TMEM54: variants seen among roughly 807,000 people sequenced by gnomAD.
The protein encoded by TMEM54 is beta-casein-like protein.
TMEM54 carries 21 observed loss-of-function variants against 21.3 expected under a neutral mutation model. The observed-to-expected ratio is 0.99, with a 90% CI of 0.70 to 1.42. TMEM54 has a LOEUF of 1.42. Ranked by LOEUF, TMEM54 falls within the 40% of genes most tolerant of loss-of-function variation. The pLI is 0.00. For missense variants in TMEM54, 246 were observed against 294.0 expected (o/e 0.84, Z 1.19); for synonymous variants, 109 against 125.0 (o/e 0.87, Z 0.86).
intron 1 of TMEM54, among the ~76,000 whole-genome samples, chr1:32,898,845 G>T (rs1641660914): frequency 6.6e-6 from 1 of 152,208 alleles, no homozygotes; most frequent in African/African-American, 2.4e-5. Context: ...CACTGCTGCT[G>T]AACTGAACTG....
intron 2 of TMEM54, 87 bp downstream of exon 2, chr1:32,898,039 C>A: frequency 2.2e-6 from 3 of 1,338,768 alleles, no homozygotes; most frequent in Non-Finnish European, 3.1e-6. Context: ...CTGCTTACCA[C>A]CACAGGCTCT....
chr1:32,899,996 G>A (rs965986667), intron 1 of TMEM54, among the ~76,000 whole-genome samples: 2 of 152,164 alleles, frequency 1.3e-5, no homozygotes, highest in Non-Finnish European at 2.9e-5. Context: ...CATGAGACTG[G>A]AATAGCATTG....
chr1:32,895,361 G>A lies in TMEM54; in HGVS notation c.538C>T (p.Leu180Phe). Reference protein sequence around the residue: ...ENVFAVRCAQLTHQLLELRPW... With the variant: ...ENVFAVRCAQFTHQLLELRPW... The stretch of plus-strand genomic sequence containing the variant: ...CTCAGCTCCAGCAGCTGGTGGGTGA[G>A]CTGAGCACAGCGTACAGCAAACACG... The change falls in exon 5 of 6, where the codon CTC (leucine) becomes TTC (phenylalanine). Residue 180 changes from leucine to phenylalanine, a missense_variant. Leu to Phe is a conservative substitution (Grantham distance 22). Coordinates refer to ENST00000373463, the MANE Select transcript of TMEM54 (RefSeq NM_033504.4). The surrounding 1 kb of genome is among the most constrained non-coding windows in gnomAD (Gnocchi z 5.8). The A allele has an allele frequency of 6.2e-7, 1 of 1,614,020 alleles. No individual in the cohort carries two copies. The highest frequency in any genetic ancestry group is 8.5e-7 in the Non-Finnish European group (1 of 1,179,918).
At chr1:32,899,391 GAAAAAAAA>G (rs11284140) in intron 1 of TMEM54, among the ~76,000 whole-genome samples, 4 of 123,000 alleles carry the variant, frequency 3.3e-5, no homozygotes, top group South Asian at 5.3e-4. Flanking sequence ...CTCTGCAGCT[GAAAAAAAA>G]AAAAAAAAAG....
rs1641725544 is a variant in TMEM54, at chr1:32,901,345, C to T, written c.-107G>A. The T allele has an allele frequency of 7.3e-6, 8 of 1,089,654 alleles. No individual in the cohort carries two copies. The highest frequency in any genetic ancestry group is 9.2e-6 in the Non-Finnish European group (8 of 870,012). The allele number at this position is 1,089,654 out of a possible 1,614,324, so 67.5% of individuals were successfully genotyped here. ...GCTGGCCCGTCGCCCGCGCGCCCCG[C>T]ACCGTCGCGCTCGCCCACTTCCCGC... On this transcript the variant is annotated 5_prime_UTR_variant, in exon 1 of 6. Transcript: ENST00000373463. This position sits in a 1 kb window ranked among gnomAD's most constrained non-coding sequence, Gnocchi z 4.2.
In TMEM54 at chr1:32,895,188, CT is replaced by C; in HGVS notation, c.594+116del. 7.1e-7 allele frequency: 1 copy of C among 1,403,004 alleles called. No individual in the cohort carries two copies. Among genetic ancestry groups the C allele is most frequent in the Non-Finnish European group, 9.5e-7 (1 of 1,051,408 alleles). 86.9% of individuals were successfully genotyped at this position (1,403,004 alleles called of 1,614,324 possible). On this transcript the variant is annotated intron_variant, in intron 5 of 5. Transcript: ENST00000373463. The surrounding 1 kb of genome is among the most constrained non-coding windows in gnomAD (Gnocchi z 5.8). ...TCTCCCTTTGCTCCTGGGGAGAAAA[CT>C]TCTGCCCCATTTCTCAAGGTGGGGG...
Position 32,895,490 on chromosome 1 carries a change from G to T in TMEM54, c.460-51C>A, listed in dbSNP as rs368627916. ...TGGCTGGAGTTGGGGGTGGAGGGTG[G>T]ATTCCAAGAGCCCTTCCCACCCGTG... On this transcript the variant is annotated intron_variant, in intron 4 of 5. Transcript: ENST00000373463. This position sits in a 1 kb window ranked among gnomAD's most constrained non-coding sequence, Gnocchi z 5.8. The T allele has an allele frequency of 9.4e-6, 15 of 1,595,222 alleles. No individual in the cohort carries two copies. The African/African-American group carries it at 2.0e-4, about 21-fold the overall frequency.
In TMEM54 at chr1:32,895,379, C is replaced by G; in HGVS notation, c.520G>C (p.Ala174Pro). 2.5e-6 allele frequency: 4 copies of G among 1,614,096 alleles called. No individual in the cohort carries two copies. Among genetic ancestry groups the G allele is most frequent in the Non-Finnish European group, 3.4e-6 (4 of 1,179,980 alleles). ...TGGGTGAGCTGAGCACAGCGTACAG[C>G]AAACACGTTCTCCGCCACGCAGAGC... ...LVLCVAENVF[A>P]VRCAQLTHQL... The change falls in exon 5 of 6, where the codon GCT becomes CCT. Residue 174 changes from alanine to proline, a missense_variant. Coordinates refer to ENST00000373463, the MANE Select transcript of TMEM54 (RefSeq NM_033504.4). This position sits in a 1 kb window ranked among gnomAD's most constrained non-coding sequence, Gnocchi z 5.8.
In TMEM54 at chr1:32,895,999, T is replaced by C; in HGVS notation, c.211-30A>G. ...AGGGAAGGCTCAAGTCAGCCCTGACTCCTTGGCTGGAGGAACAGGGGCAGG... is the reference window on the plus strand; with the variant it reads ...AGGGAAGGCTCAAGTCAGCCCTGACCCCTTGGCTGGAGGAACAGGGGCAGG... On this transcript the variant is annotated intron_variant, in intron 2 of 5. Coordinates refer to ENST00000373463, the MANE Select transcript of TMEM54 (RefSeq NM_033504.4). The surrounding 1 kb of genome is among the most constrained non-coding windows in gnomAD (Gnocchi z 5.8). 1 of 1,604,302 alleles carries C rather than the reference T, an allele frequency of 6.2e-7. No homozygotes were observed. Among genetic ancestry groups the C allele is most frequent in the East Asian group, 2.2e-5 (1 of 44,760 alleles).
At position 32,901,025 on chromosome 1, in the gene TMEM54, G is replaced by A. The variant is rs1305031546; in HGVS notation, c.16+198C>T. Reference sequence around the variant, plus strand: ...CTACAGCCACATCGAGAAGACACCCGCAGCGCTCCTCCCCTCCATTTCACT... The same window carrying A: ...CTACAGCCACATCGAGAAGACACCCACAGCGCTCCTCCCCTCCATTTCACT... On this transcript the variant is annotated intron_variant, in intron 1 of 5. Coordinates refer to ENST00000373463, the MANE Select transcript of TMEM54 (RefSeq NM_033504.4). This position sits in a 1 kb window ranked among gnomAD's most constrained non-coding sequence, Gnocchi z 4.2. 6.6e-6 allele frequency among the ~76,000 whole-genome samples: 1 copy of A among 152,204 alleles called. No individual in the cohort carries two copies. The highest frequency in any genetic ancestry group is 1.5e-5 in the Non-Finnish European group (1 of 68,032).
chr1:32,898,401 G>T (rs1017991808), intron 1 of TMEM54, 82 bp from the exon 2 acceptor site: 5 of 1,327,950 alleles, frequency 3.8e-6, no homozygotes, highest in Non-Finnish European at 5.2e-6. Flanking sequence ...TGGCCCTAGT[G>T]ATGGACATTG....
chr1:32,898,266 G>A lies in TMEM54; in HGVS notation c.70C>T (p.Leu24=), dbSNP rs764723976. 7.4e-6 allele frequency: 12 copies of A among 1,612,586 alleles called. No individual in the cohort carries two copies. The highest frequency in any genetic ancestry group is 1.6e-4 in the Middle Eastern group (1 of 6,082). The stretch of plus-strand genomic sequence containing the variant: ...AAGCTCACATGGCCCAGCACCACCA[G>A]CACCAGGCCTGTCTTCATCAGCACC... The part of the protein sequence containing the change: ...RKVLMKTGLV[L]VVLGHVSFIT... Residue 24 remains leucine, a synonymous_variant, in exon 2 of 6, where the codon CTG becomes TTG. Coordinates refer to ENST00000373463, the MANE Select transcript of TMEM54 (RefSeq NM_033504.4).
intron 1 of TMEM54, among the ~76,000 whole-genome samples, chr1:32,899,317 C>A (rs1641671694): frequency 6.6e-6 from 1 of 151,652 alleles, no homozygotes; most frequent in South Asian, 2.1e-4. Flanking sequence ...ACTCTGAGTC[C>A]CTTCCTAGAC....
rs147784453 is a variant in TMEM54 at position 32,898,291 on chromosome 1, C to T, written c.45G>A (p.Lys15=). The T allele has an allele frequency of 2.2e-5, 35 of 1,607,196 alleles. No individual in the cohort carries two copies. The African/African-American group carries it at 3.9e-4, about 18-fold the overall frequency. ...GCACCAGGCCTGTCTTCATCAGCAC[C>T]TTCCGGAAGTCGCCCACACTCAGGC... is the stretch of plus-strand genomic sequence containing the variant. ...LGGLSVGDFR[K]VLMKTGLVLV... is the part of the protein sequence containing the mutation. The change falls in exon 2 of 6, where the codon AAG becomes AAA. Residue 15 remains lysine (K), a synonymous_variant. Coordinates refer to ENST00000373463, the MANE Select transcript of TMEM54 (RefSeq NM_033504.4).
In TMEM54 at chr1:32,895,947, G is replaced by GCTGCGATGC; in HGVS notation, c.224_232dup (p.Gly75_Ala77dup). 6.2e-7 allele frequency: 1 copy of GCTGCGATGC among 1,613,466 alleles called. No homozygotes were observed. The highest frequency in any genetic ancestry group is 8.5e-7 in the Non-Finnish European group (1 of 1,179,742). On this transcript the variant is annotated inframe_insertion, in exon 3 of 6. Transcript: ENST00000373463. The surrounding 1 kb of genome is among the most constrained non-coding windows in gnomAD (Gnocchi z 5.8). ...AGGGAGGTAGCGTGACAACACGATG[G>GCTGCGATGC]CTGCGATGCCTGAAGTGATGACCTG...
chr1:32,895,244 T>TG lies in TMEM54; in HGVS notation c.594+60dup. On this transcript the variant is annotated intron_variant, in intron 5 of 5. Transcript: ENST00000373463. This position sits in a 1 kb window ranked among gnomAD's most constrained non-coding sequence, Gnocchi z 5.8. ...TACATAGGGGTGGGGCAGAGCAGCT[T>TG]GGGCACCCTGGCAGGGGCTCCCAGG... 6.4e-7 allele frequency: 1 copy of TG among 1,561,664 alleles called. No homozygotes were observed. Among genetic ancestry groups the TG allele is most frequent in the Non-Finnish European group, 8.7e-7 (1 of 1,149,068 alleles).
intron 1 of TMEM54, among the ~76,000 whole-genome samples, chr1:32,900,450 G>A (rs1470970958): frequency 6.6e-6 from 1 of 152,108 alleles, no homozygotes; most frequent in East Asian, 1.9e-4. Context: ...GTCTCTCCTG[G>A]ACTCAAGCGA....
chr1:32,898,975 G>A (rs1570039895), intron 1 of TMEM54, among the ~76,000 whole-genome samples: 1 of 152,310 alleles, frequency 6.6e-6, no homozygotes, highest in Non-Finnish European at 1.5e-5. Context: ...ATGGGAAAGT[G>A]TGGTGTACCC....
At position 32,895,774 on chromosome 1, in the gene TMEM54, G is replaced by A. The variant is rs754071855; in HGVS notation, c.271-31C>T. Reference sequence around the variant, plus strand: ...CGGGGGAGGCCACTGGTCAATGGGCGTCGTGCTTGGCCCCCATGGGCAGCT... The same window carrying A: ...CGGGGGAGGCCACTGGTCAATGGGCATCGTGCTTGGCCCCCATGGGCAGCT... On this transcript the variant is annotated intron_variant, in intron 3 of 5. Coordinates refer to ENST00000373463, the MANE Select transcript of TMEM54 (RefSeq NM_033504.4). The surrounding 1 kb of genome is among the most constrained non-coding windows in gnomAD (Gnocchi z 5.8). 32 of 1,548,214 alleles carry A rather than the reference G, an allele frequency of 2.1e-5. No homozygotes were observed. In the African/African-American group the frequency reaches 2.5e-4, roughly 12 times the overall value.
Sources: allele counts gnomAD v4.1 joint callset (sites outside exome capture counted in the v4.1 genomes callset), GRCh38; gene constraint gnomAD v4.1.1; non-coding constraint Gnocchi (gnomAD v3.1); transcripts MANE v1.5; gene names NCBI Gene and HGNC (gene_info 2026-07-23, HGNC 2026-07-21).